The following TCF7L1 variants were observed in gnomAD, a reference collection of about 807,000 sequenced individuals.
The protein encoded by TCF7L1 is transcription factor 7 like 1.
A neutral mutation model predicts 63.7 loss-of-function variants in TCF7L1; 18 were observed. The observed-to-expected ratio is 0.28, with a 90% CI of 0.20 to 0.42. The LOEUF is 0.42. TCF7L1 is among the 10% of genes least tolerant of loss of function. The pLI is 1.00. For synonymous variants in TCF7L1, 355 were observed against 340.9 expected (o/e 1.04, Z -0.46); for missense variants, 654 against 779.3 (o/e 0.84, Z 1.91).
At chr2:85,172,919 G>A (rs1006630478) in intron 3 of TCF7L1, among the ~76,000 whole-genome samples, 1 of 152,126 alleles carries the variant, frequency 6.6e-6, no homozygotes, top group South Asian at 2.1e-4. Context: ...GCCATCATTG[G>A]TCATTGCCCG....
chr2:85,309,835 T>C lies in TCF7L1; in HGVS notation c.*373T>C. 1 of 205,624 alleles carries C rather than the reference T, an allele frequency of 4.9e-6. No homozygotes were observed. Among genetic ancestry groups the C allele is most frequent in the Non-Finnish European group, 9.7e-6 (1 of 102,964 alleles). 12.7% of individuals were successfully genotyped at this position (205,624 alleles called of 1,614,324 possible). A position where few individuals can be genotyped will look rare whatever the true frequency, so the allele number is the denominator to read the frequency against. ...GCCTGCCCCAGCTTCCCCGACTCCA[T>C]CTGCAGCTCTGCCATTGTGACATTT... On this transcript the variant is annotated 3_prime_UTR_variant, in exon 12 of 12. Transcript: ENST00000282111.
intron 3 of TCF7L1, among the ~76,000 whole-genome samples, chr2:85,268,227 G>C (rs1681026677): frequency 6.6e-6 from 1 of 152,182 alleles, no homozygotes; most frequent in Non-Finnish European, 1.5e-5. Flanking sequence ...TGGTTTCTCT[G>C]TTCTCACCCT....
In TCF7L1 at chr2:85,309,385, G is replaced by T. The variant is rs149975109; in HGVS notation, c.1690G>T (p.Ala564Ser). The change falls in exon 12 of 12, where the codon GCC (alanine) becomes TCC (serine). Residue 564 changes from alanine to serine, a missense_variant. Coordinates refer to ENST00000282111, the MANE Select transcript of TCF7L1 (RefSeq NM_031283.3). ...ALLASPPSFPATLHAHQALPV... is the reference protein window; with the variant it reads ...ALLASPPSFPSTLHAHQALPV... ...GCTGGCCTCTCCCCCGTCCTTCCCC[G>T]CCACGCTCCATGCCCACCAGGCCCT... 2 of 1,595,510 alleles carry T rather than the reference G, an allele frequency of 1.3e-6. No individual in the cohort carries two copies. Among genetic ancestry groups the T allele is most frequent in the East Asian group, 4.5e-5 (2 of 44,626 alleles).
At chr2:85,279,593 CAG>C (rs1681363767) in intron 3 of TCF7L1, among the ~76,000 whole-genome samples, 1 of 152,158 alleles carries the variant, frequency 6.6e-6, no homozygotes, top group Admixed American at 6.5e-5. Context: ...GTCCTTTCCT[CAG>C]AGTTGTGATG....
intron 3 of TCF7L1, among the ~76,000 whole-genome samples, chr2:85,270,793 G>A (rs143095162): frequency 1.1e-3 from 166 of 151,924 alleles, no homozygotes; most frequent in Non-Finnish European, 1.7e-3. Flanking sequence ...GGGCTGAGTC[G>A]ATCCTCCCAG....
In TCF7L1 at chr2:85,306,973, A is replaced by C. The variant is rs1192895661; in HGVS notation, c.1257+414A>C. Among the ~76,000 whole-genome samples the C allele has an allele frequency of 6.6e-6, 1 of 152,218 alleles. No individual in the cohort carries two copies. The highest frequency in any genetic ancestry group is 2.1e-4 in the South Asian group (1 of 4,836). Reference sequence around the variant, plus strand: ...GCCACCGCGCCCGGCCAGCGACTGCATTTATAGAGGACTCTTAAGATCAGG... The same window carrying C: ...GCCACCGCGCCCGGCCAGCGACTGCCTTTATAGAGGACTCTTAAGATCAGG... On this transcript the variant is annotated intron_variant, in intron 10 of 11. Transcript: ENST00000282111. This position sits in a 1 kb window ranked among gnomAD's most constrained non-coding sequence, Gnocchi z 4.3.
chr2:85,176,848 G>A (rs1678687367), intron 3 of TCF7L1, among the ~76,000 whole-genome samples: 1 of 152,008 alleles, frequency 6.6e-6, no homozygotes. Flanking sequence ...TTAGCCTGGT[G>A]TGGTGGCAGG....
chr2:85,239,308 G>C (rs1429649590), intron 3 of TCF7L1, among the ~76,000 whole-genome samples: 1 of 152,088 alleles, frequency 6.6e-6, no homozygotes, highest in Non-Finnish European at 1.5e-5. Flanking sequence ...CTGCTGCTGT[G>C]AGGGTTGCTC....
intron 3 of TCF7L1, among the ~76,000 whole-genome samples, chr2:85,269,912 G>A (rs1316387324): frequency 6.6e-6 from 1 of 152,202 alleles, no homozygotes; most frequent in East Asian, 1.9e-4. Context: ...TATAGAGGTG[G>A]CTGGTGTGAC....
At chr2:85,201,458 T>C (rs1296751955) in intron 3 of TCF7L1, among the ~76,000 whole-genome samples, 2 of 152,228 alleles carry the variant, frequency 1.3e-5, no homozygotes, top group East Asian at 1.9e-4. Flanking sequence ...ACATACCTTT[T>C]TCTTAATTTT....
intron 3 of TCF7L1, among the ~76,000 whole-genome samples, chr2:85,282,508 A>G (rs947665844): frequency 1.3e-5 from 2 of 152,244 alleles, no homozygotes. Flanking sequence ...AATGTCTCCC[A>G]TGTGCGAGGC....
At chr2:85,271,288 T>C (rs893725334) in intron 3 of TCF7L1, among the ~76,000 whole-genome samples, 1 of 152,150 alleles carries the variant, frequency 6.6e-6, no homozygotes. Context: ...AATTTTTGTG[T>C]TTTTAGTAGA....
intron 4 of TCF7L1, among the ~76,000 whole-genome samples, chr2:85,302,079 G>T (rs1008723337): frequency 6.6e-6 from 1 of 152,036 alleles, no homozygotes; most frequent in Non-Finnish European, 1.5e-5. Flanking sequence ...AGTGAGCCGA[G>T]ATCATGCTAC....
intron 4 of TCF7L1, among the ~76,000 whole-genome samples, chr2:85,299,973 C>T (rs146445876): frequency 1.9e-4 from 28 of 151,310 alleles, no homozygotes; most frequent in Non-Finnish European, 3.2e-4. Flanking sequence ...TAGGATGGTG[C>T]AGTTATGTTG....
chr2:85,300,446 G>C (rs1391557341), intron 4 of TCF7L1, among the ~76,000 whole-genome samples: 1 of 152,188 alleles, frequency 6.6e-6, no homozygotes, highest in African/African-American at 2.4e-5. Context: ...TAAGAAGACA[G>C]TACTTTTTAA....
intron 3 of TCF7L1, among the ~76,000 whole-genome samples, chr2:85,149,161 G>C (rs1049033055): frequency 2.0e-5 from 3 of 152,106 alleles, no homozygotes; most frequent in Non-Finnish European, 2.9e-5. Flanking sequence ...TTAGTATTTA[G>C]TGCGGGTTTT....
intron 3 of TCF7L1, among the ~76,000 whole-genome samples, chr2:85,258,535 G>T (rs1024649871): frequency 6.6e-6 from 1 of 152,150 alleles, no homozygotes. Context: ...TGGTGGGGGT[G>T]CCAGATCAGG....
chr2:85,231,158 C>A (rs1007854656), intron 3 of TCF7L1, among the ~76,000 whole-genome samples: 1 of 152,184 alleles, frequency 6.6e-6, no homozygotes, highest in African/African-American at 2.4e-5. Context: ...CCCAGGAAGC[C>A]AGGCCTGTTG....
At position 85,227,040 on chromosome 2, in the gene TCF7L1, C is replaced by G. The variant is rs1679972282; in HGVS notation, c.442-56455C>G. ...GACTCACTCAGAGAGGCTTTAAGAT[C>G]AGATGTGCAAAAGCGTACATAGAGT... is the stretch of plus-strand genomic sequence containing the variant. On this transcript the variant is annotated intron_variant, in intron 3 of 11. Transcript: ENST00000282111. Among the ~76,000 whole-genome samples the G allele has an allele frequency of 3.3e-5, 5 of 152,106 alleles. 1 individual carries two copies. The South Asian group carries it at 1.0e-3, about 31-fold the overall frequency.
Sources: gnomAD v4.1 joint callset for allele counts (sites outside exome capture counted in the v4.1 genomes callset) on GRCh38, gnomAD v4.1.1 for gene constraint, Gnocchi (gnomAD v3.1) non-coding constraint, MANE v1.5 for transcripts, NCBI Gene and HGNC (gene_info 2026-07-23, HGNC 2026-07-21) for gene names.